EHBP1: variants seen among roughly 807,000 people sequenced by gnomAD.
EHBP1 encodes EH domain binding protein 1, also known as EH domain-binding protein 1.
A neutral mutation model predicts 144.0 loss-of-function variants in EHBP1; 55 were observed. That is an observed-to-expected ratio of 0.38 (90% CI 0.31 to 0.48). The LOEUF (loss-of-function observed/expected upper bound fraction) is 0.48, where lower values mean the gene tolerates loss of function less well. Ranked by LOEUF, EHBP1 falls within the 20% of genes least tolerant of loss-of-function variation. EHBP1 has a pLI of 0.98. For synonymous variants in EHBP1, 469 were observed against 472.7 expected (o/e 0.99, Z 0.10); for missense variants, 1,200 against 1,364.2 (o/e 0.88, Z 1.90).
intron 5 of EHBP1, among the ~76,000 whole-genome samples, chr2:62,794,470 C>G (rs1192922786): frequency 6.6e-6 from 1 of 152,000 alleles, no homozygotes; most frequent in East Asian, 1.9e-4. Flanking sequence ...TTTCTTCAAA[C>G]TGAATATTGT....
chr2:62,842,667 A>G (rs900416250), intron 7 of EHBP1, among the ~76,000 whole-genome samples: 1 of 152,180 alleles, frequency 6.6e-6, no homozygotes, highest in South Asian at 2.1e-4. Context: ...GCATTTTCCT[A>G]TAGACTGAGT....
intron 19 of EHBP1, among the ~76,000 whole-genome samples, chr2:63,008,952 T>C (rs2060160335): frequency 1.3e-5 from 2 of 151,734 alleles, no homozygotes; most frequent in Non-Finnish European, 1.5e-5. Context: ...GATAGCTTAA[T>C]TGAGTTTGAA....
intron 10 of EHBP1, among the ~76,000 whole-genome samples, chr2:62,912,489 T>C (rs891461561): frequency 6.6e-6 from 1 of 152,128 alleles, no homozygotes; most frequent in Non-Finnish European, 1.5e-5. Context: ...GAGTCAGAAG[T>C]TGCAGTGAGC....
chr2:62,836,474 G>C (rs200402255), intron 7 of EHBP1, among the ~76,000 whole-genome samples: 3 of 125,572 alleles, frequency 2.4e-5, no homozygotes, highest in Non-Finnish European at 5.1e-5. Context: ...CACCAGCAAC[G>C]GAACAAAGCT....
At position 62,993,589 on chromosome 2, in the gene EHBP1, TC is replaced by T. The variant is rs2059501373; in HGVS notation, c.2795del (p.Pro932LeufsTer28). 1 of 1,609,862 alleles carries T rather than the reference TC, an allele frequency of 6.2e-7. No homozygotes were observed. On this transcript the variant is annotated frameshift_variant, in exon 17 of 23. Transcript: ENST00000431489. LOFTEE classifies it high-confidence loss of function. ...LQKTTERFRN[P>X]VVFSKDSTVR... Reference sequence around the variant, plus strand: ...AAAAAACAACAGAACGTTTTAGAAATCCTGTTGTGTTCAGCAAAGATTCTAC... The same window carrying T: ...AAAAAACAACAGAACGTTTTAGAAATCTGTTGTGTTCAGCAAAGATTCTAC...
chr2:62,959,374 T>C (rs572863803), intron 14 of EHBP1, among the ~76,000 whole-genome samples: 2 of 152,318 alleles, frequency 1.3e-5, no homozygotes, highest in East Asian at 3.9e-4. Context: ...TGATTTCAGC[T>C]TTTTCTGATA....
chr2:63,037,693 G>T, intron 20 of EHBP1, 59 bp downstream of exon 20: 2 of 915,816 alleles, frequency 2.2e-6, no homozygotes, highest in South Asian at 1.7e-5. Context: ...TAGGCCTCTT[G>T]TTATTGCCTT....
chr2:62,949,003 A>G lies in EHBP1; in HGVS notation c.2157A>G (p.Lys719=). ...GATCAGATCCAGAATCTCCTATCAA[A>G]AAAACAAGTTTATCTCCTACTTCTA... ...ECRSDPESPI[K]KTSLSPTSKL... The change falls in exon 13 of 23, where the codon AAA becomes AAG. Residue 719 remains lysine, a synonymous_variant. Transcript: ENST00000431489. The G allele has an allele frequency of 6.2e-7, 1 of 1,613,916 alleles. No homozygotes were observed. The highest frequency in any genetic ancestry group is 8.5e-7 in the Non-Finnish European group (1 of 1,179,950).
At chr2:62,795,562 A>G (rs1042738084) in intron 5 of EHBP1, among the ~76,000 whole-genome samples, 10 of 151,866 alleles carry the variant, frequency 6.6e-5, no homozygotes, top group Non-Finnish European at 1.3e-4. Flanking sequence ...TGTTCACACT[A>G]CCTCTAAAAC....
chr2:63,009,799 T>C (rs1308057210), intron 19 of EHBP1, among the ~76,000 whole-genome samples: 2 of 151,610 alleles, frequency 1.3e-5, no homozygotes, highest in African/African-American at 2.4e-5. Flanking sequence ...CAGACTGTAC[T>C]GTGGATTCTA....
At chr2:62,767,761 A>G (rs922078549) in intron 4 of EHBP1, among the ~76,000 whole-genome samples, 2 of 150,894 alleles carry the variant, frequency 1.3e-5, no homozygotes, top group Non-Finnish European at 3.0e-5. Flanking sequence ...GCTTGAGCCC[A>G]GGAGGTGAAG....
intron 4 of EHBP1, among the ~76,000 whole-genome samples, chr2:62,765,797 G>A (rs1374143220): frequency 6.6e-6 from 1 of 152,052 alleles, no homozygotes; most frequent in Non-Finnish European, 1.5e-5. Context: ...GGGAGGGATA[G>A]GCAGGGAGAA....
In EHBP1 at chr2:62,856,501, C is replaced by T. The variant is rs180943680; in HGVS notation, c.635-2668C>T. Among the ~76,000 whole-genome samples the T allele has an allele frequency of 2.6e-4, 40 of 152,310 alleles. No homozygotes were observed. In the East Asian group the frequency reaches 6.0e-3, roughly 23 times the overall value. Reference sequence around the variant, plus strand: ...GTGTCTGACTGCACAGTGGCTAGACCCCACACTCACTCACACTACCCTCAT... The same window carrying T: ...GTGTCTGACTGCACAGTGGCTAGACTCCACACTCACTCACACTACCCTCAT... On this transcript the variant is annotated intron_variant, in intron 7 of 22. Transcript: ENST00000431489.
At chr2:62,912,871 T>G (rs1372787812) in intron 10 of EHBP1, among the ~76,000 whole-genome samples, 5 of 152,114 alleles carry the variant, frequency 3.3e-5, no homozygotes, top group Non-Finnish European at 7.4e-5. Flanking sequence ...AAGAATAGGG[T>G]ATGCATATGA....
At chr2:62,881,731 C>T (rs1233830644) in intron 10 of EHBP1, 1 of 152,128 alleles carries the variant, frequency 6.6e-6, no homozygotes, top group Non-Finnish European at 1.5e-5. Flanking sequence ...AGGTAAAACA[C>T]CTTTGGAATA....
chr2:62,732,761 G>A (rs2037734910), intron 2 of EHBP1, among the ~76,000 whole-genome samples: 1 of 152,110 alleles, frequency 6.6e-6, no homozygotes, highest in Non-Finnish European at 1.5e-5. Context: ...TATAGCAGTA[G>A]GGAACAGACT....
At chr2:62,995,712 A>C (rs866283026) in intron 18 of EHBP1, among the ~76,000 whole-genome samples, 2 of 152,032 alleles carry the variant, frequency 1.3e-5, no homozygotes, top group South Asian at 4.1e-4. Flanking sequence ...TCTTAGCCCC[A>C]AAAATGTCAA....
intron 19 of EHBP1, among the ~76,000 whole-genome samples, chr2:63,009,808 T>C (rs1214596579): frequency 2.0e-5 from 3 of 151,632 alleles, no homozygotes; most frequent in Non-Finnish European, 3.0e-5. Flanking sequence ...CTGTGGATTC[T>C]ATACATACAA....
chr2:62,693,780 C>T (rs1011089155), intron 1 of EHBP1, among the ~76,000 whole-genome samples: 14 of 152,192 alleles, frequency 9.2e-5, no homozygotes, highest in African/African-American at 3.4e-4. Flanking sequence ...CTCCCGACTA[C>T]ACTTCCCAAC....
Sources: gnomAD v4.1 joint callset for allele counts (sites outside exome capture counted in the v4.1 genomes callset) on GRCh38, gnomAD v4.1.1 for gene constraint, MANE v1.5 for transcripts, NCBI Gene and HGNC (gene_info 2026-07-23, HGNC 2026-07-21) for gene names.